The following PTPRR variants were observed in gnomAD, a reference collection of about 807,000 sequenced individuals.
The protein encoded by PTPRR is protein tyrosine phosphatase receptor type R.
PTPRR carries 38 observed loss-of-function variants against 77.2 expected under a neutral mutation model. That is an observed-to-expected ratio of 0.49 (90% CI 0.38 to 0.65). The LOEUF is 0.65. PTPRR is among the 30% of genes least tolerant of loss of function. PTPRR has a pLI of 0.00. For synonymous variants in PTPRR, 299 were observed against 283.1 expected (o/e 1.06, Z -0.57); for missense variants, 744 against 799.2 (o/e 0.93, Z 0.83).
chr12:70,725,572 G>A (rs1889403019), intron 6 of PTPRR, among the ~76,000 whole-genome samples: 1 of 152,102 alleles, frequency 6.6e-6, no homozygotes, highest in Non-Finnish European at 1.5e-5. Flanking sequence ...AGATTCTCCA[G>A]TTATTGATTT....
chr12:70,670,117 G>C (rs1887164834), intron 10 of PTPRR, among the ~76,000 whole-genome samples: 1 of 152,224 alleles, frequency 6.6e-6, no homozygotes, highest in African/African-American at 2.4e-5. Flanking sequence ...ATGGGGCTTA[G>C]AGTACTTAAG....
intron 8 of PTPRR, among the ~76,000 whole-genome samples, chr12:70,685,848 A>T (rs145087662): frequency 4.6e-5 from 7 of 152,044 alleles, no homozygotes; most frequent in Non-Finnish European, 8.8e-5. Context: ...AATGGGTAAG[A>T]CTCCTTCCCC....
chr12:70,745,933 C>A lies in PTPRR; in HGVS notation c.892G>T (p.Val298Leu), dbSNP rs1276370021. 12 of 1,613,988 alleles carry A rather than the reference C, an allele frequency of 7.4e-6. No individual in the cohort carries two copies. The highest frequency in any genetic ancestry group is 9.3e-6 in the Non-Finnish European group (11 of 1,180,026). The change falls in exon 6 of 14, where the codon GTA becomes TTA. Residue 298 changes from valine to leucine, a missense_variant. Coordinates refer to ENST00000283228, the MANE Select transcript of PTPRR (RefSeq NM_002849.4). Reference protein sequence around the residue: ...SMVQPEQAPKVLNVVVDPQGR... With the variant: ...SMVQPEQAPKLLNVVVDPQGR... ...TGAGGGTCCACGACAACATTCAGTACCTTTGGGGCCTGCTCAGGTTGGACC... is the reference window on the plus strand; with the variant it reads ...TGAGGGTCCACGACAACATTCAGTAACTTTGGGGCCTGCTCAGGTTGGACC...
intron 2 of PTPRR, among the ~76,000 whole-genome samples, chr12:70,808,405 C>T (rs1038652190): frequency 1.3e-5 from 2 of 152,078 alleles, no homozygotes; most frequent in African/African-American, 4.8e-5. Context: ...CCTATTTGTA[C>T]ACTCCCTCCC....
At chr12:70,732,751 G>A (rs1424703483) in intron 6 of PTPRR, among the ~76,000 whole-genome samples, 4 of 151,994 alleles carry the variant, frequency 2.6e-5, no homozygotes, top group Non-Finnish European at 5.9e-5. Flanking sequence ...AGTAGAGATG[G>A]GGTTTCACCA....
At chr12:70,898,147 T>TATA (rs767598193) in intron 1 of PTPRR, among the ~76,000 whole-genome samples, 4 of 140,018 alleles carry the variant, frequency 2.9e-5, no homozygotes, top group South Asian at 2.2e-4. Context: ...AAACTTAAAG[T>TATA]ATAATAATAA....
chr12:70,678,466 C>T lies in PTPRR; in HGVS notation c.1497+5661G>A, dbSNP rs1310888688. On this transcript the variant is annotated intron_variant, in intron 10 of 13. Coordinates refer to ENST00000283228, the MANE Select transcript of PTPRR (RefSeq NM_002849.4). ...ATTTATTCATTTTTTTTTAGATTAT[C>T]CAATTTGTTCGTGTAGTATTGTTCA... is the stretch of plus-strand genomic sequence containing the variant. Among the ~76,000 whole-genome samples, 25 of 152,030 alleles carry T rather than the reference C, an allele frequency of 1.6e-4. 1 individual carries two copies.
At chr12:70,871,119 T>A (rs1357127226) in intron 2 of PTPRR, among the ~76,000 whole-genome samples, 1 of 152,008 alleles carries the variant, frequency 6.6e-6, no homozygotes, top group Non-Finnish European at 1.5e-5. Context: ...GCAAATTGGG[T>A]TGTAGGCTCT....
At chr12:70,903,073 T>C (rs1158996164) in intron 1 of PTPRR, among the ~76,000 whole-genome samples, 1 of 151,312 alleles carries the variant, frequency 6.6e-6, no homozygotes, top group African/African-American at 2.4e-5. Flanking sequence ...AAGTAGAGAG[T>C]AGAAAGATGG....
chr12:70,690,333 C>G (rs961903539), intron 8 of PTPRR, among the ~76,000 whole-genome samples: 5 of 152,180 alleles, frequency 3.3e-5, no homozygotes, highest in Non-Finnish European at 7.3e-5. Flanking sequence ...AAAATCAGTT[C>G]TGCCTAGGGA....
At chr12:70,783,441 T>C (rs1236095203) in intron 2 of PTPRR, among the ~76,000 whole-genome samples, 2 of 152,082 alleles carry the variant, frequency 1.3e-5, no homozygotes, top group African/African-American at 4.8e-5. Context: ...CTCCTCTCTG[T>C]AGCTGATCAT....
chr12:70,844,830 C>A (rs983763482), intron 2 of PTPRR, among the ~76,000 whole-genome samples: 1 of 152,046 alleles, frequency 6.6e-6, no homozygotes. Context: ...TCTAGCATTG[C>A]ACTAGATATC....
At chr12:70,843,492 T>C (rs941488959) in intron 2 of PTPRR, among the ~76,000 whole-genome samples, 10 of 152,296 alleles carry the variant, frequency 6.6e-5, no homozygotes, top group Non-Finnish European at 8.8e-5. Context: ...TCTTCATAGT[T>C]AAGTGCACTT....
At chr12:70,644,648 A>G (rs1433634223) in intron 13 of PTPRR, among the ~76,000 whole-genome samples, 1 of 152,222 alleles carries the variant, frequency 6.6e-6, no homozygotes, top group Admixed American at 6.5e-5. Flanking sequence ...TATCAATACC[A>G]TAAATGTCAA....
chr12:70,838,217 T>C (rs905293333), intron 2 of PTPRR, among the ~76,000 whole-genome samples: 2 of 152,148 alleles, frequency 1.3e-5, no homozygotes, highest in African/African-American at 2.4e-5. Context: ...CAATAAATAA[T>C]GTATTGAGGG....
intron 13 of PTPRR, among the ~76,000 whole-genome samples, chr12:70,650,028 G>T (rs1343381276): frequency 6.6e-6 from 1 of 152,134 alleles, no homozygotes; most frequent in Non-Finnish European, 1.5e-5. Flanking sequence ...ATTCATCTGT[G>T]GTCAAATAAA....
At chr12:70,878,158 C>T (rs1272961498) in intron 2 of PTPRR, among the ~76,000 whole-genome samples, 1 of 152,138 alleles carries the variant, frequency 6.6e-6, no homozygotes, top group Non-Finnish European at 1.5e-5. Context: ...TAGACGAAAA[C>T]CTAGGCAATA....
intron 2 of PTPRR, among the ~76,000 whole-genome samples, chr12:70,812,895 G>A (rs1891835486): frequency 6.6e-6 from 1 of 152,176 alleles, no homozygotes; most frequent in Admixed American, 6.5e-5. Flanking sequence ...GCTTTCTGGA[G>A]CCATAAAATC....
At chr12:70,737,527 T>TATCTATCTA in intron 6 of PTPRR, among the ~76,000 whole-genome samples, 1 of 151,624 alleles carries the variant, frequency 6.6e-6, no homozygotes, top group Middle Eastern at 3.4e-3. Flanking sequence ...TCTATCTATC[T>TATCTATCTA]ATCTATCTTT....
Sources: allele counts gnomAD v4.1 joint callset (sites outside exome capture counted in the v4.1 genomes callset), GRCh38; gene constraint gnomAD v4.1.1; transcripts MANE v1.5; gene names NCBI Gene and HGNC (gene_info 2026-07-23, HGNC 2026-07-21).